ZDHHC13: variants seen among roughly 807,000 people sequenced by gnomAD.
The protein encoded by ZDHHC13 is zDHHC palmitoyltransferase 13.
Under a neutral mutation model 86.0 loss-of-function variants are expected in ZDHHC13, and 85 were observed. The ratio of observed to expected loss-of-function variants is 0.99; its 90% CI spans 0.83 to 1.18. ZDHHC13 has a LOEUF of 1.18. Among genes scored for constraint, ZDHHC13 ranks in the 50% most tolerant of loss-of-function variants. ZDHHC13 has a pLI of 0.00. For missense variants in ZDHHC13, 711 were observed against 730.2 expected, an observed-to-expected ratio of 0.97 and a Z score of 0.30; for synonymous variants, 263 against 246.4, an observed-to-expected ratio of 1.07 and a Z score of -0.63.
chr11:19,152,816 C>G (rs1849650198), intron 8 of ZDHHC13, 132 bp downstream of exon 8: 3 of 1,395,704 alleles, frequency 2.1e-6, no homozygotes, highest in Admixed American at 2.2e-5. Context: ...ATATCTTTCC[C>G]CCGCATCCTA....
At position 19,140,063 on chromosome 11, in the gene ZDHHC13, A is replaced by T. The variant is rs28873521; in HGVS notation, c.28-2915A>T. Among the ~76,000 whole-genome samples, 1,088 of 150,022 alleles carry T rather than the reference A, an allele frequency of 7.3e-3. 13 individuals are homozygous for T. The highest frequency in any genetic ancestry group is 0.025 in the African/African-American group (1,034 of 40,660). ...TGGCAACAAAAGCCAAAATTGACAA[A>T]TGGGATCTAATTAAACTAAAGAGCT... On this transcript the variant is annotated intron_variant, in intron 1 of 16. Transcript: ENST00000446113.
At chr11:19,134,024 C>G (rs1184274109) in intron 1 of ZDHHC13, among the ~76,000 whole-genome samples, 1 of 149,524 alleles carries the variant, frequency 6.7e-6, no homozygotes, top group African/African-American at 2.5e-5. Flanking sequence ...ATATGAGTCT[C>G]TTTTATATGG....
At position 19,165,282 on chromosome 11, in the gene ZDHHC13, G is replaced by A. The variant is rs186828639; in HGVS notation, c.1390+137G>A. On this transcript the variant is annotated intron_variant, in intron 13 of 16. Transcript: ENST00000446113. ...TCCAATAGCAATGGGCCCATGCATC[G>A]TTATTATGCTACAGGTAACATAATA... The A allele has an allele frequency of 6.3e-4, 454 of 719,570 alleles. 2 individuals are homozygous for A. The highest frequency in any genetic ancestry group is 9.1e-4 in the Non-Finnish European group (397 of 435,320). The allele number at this position is 719,570 out of a possible 1,614,324, so 44.6% of individuals were successfully genotyped here.
chr11:19,149,292 A>G lies in ZDHHC13; in HGVS notation c.480A>G (p.Gln160=). The G allele has an allele frequency of 6.2e-7, 1 of 1,605,362 alleles. No homozygotes were observed. The highest frequency in any genetic ancestry group is 8.5e-7 in the Non-Finnish European group (1 of 1,174,956). ...GCATCCACCTGGCAGTATTGTTTCA[A>G]CACATGCCTATTATAGCATATCTCA... ...FSSIHLAVLF[Q]HMPIIAYLIS... The change falls in exon 5 of 17, where the codon CAA becomes CAG. Residue 160 remains glutamine, a synonymous_variant. Transcript: ENST00000446113.
chr11:19,166,582 T>C, intron 14 of ZDHHC13, 197 bp downstream of exon 14: 2 of 396,372 alleles, frequency 5.0e-6, no homozygotes, highest in East Asian at 8.1e-5. Context: ...CTCAGTACTT[T>C]AGGAAAAAAA....
intron 7 of ZDHHC13, 49 bp from the exon 8 acceptor site, chr11:19,152,510 A>C: frequency 2.0e-6 from 3 of 1,514,922 alleles, no homozygotes; most frequent in East Asian, 2.4e-5. Flanking sequence ...TTTAGCACTC[A>C]TAATATATTA....
At chr11:19,164,763 G>A (rs578255726) in intron 12 of ZDHHC13, 3 of 430,120 alleles carry the variant, frequency 7.0e-6, no homozygotes, top group Non-Finnish European at 8.4e-6. Context: ...ATGGAACTTG[G>A]GTTTCCTTCC....
chr11:19,173,236 A>G (rs4757763), intron 16 of ZDHHC13, among the ~76,000 whole-genome samples: 31,565 of 152,130 alleles, frequency 0.21, 3,408 homozygotes, highest in Middle Eastern at 0.24. Flanking sequence ...CTGGCTTTCT[A>G]TCACCACTAA....
chr11:19,152,162 G>A lies in ZDHHC13; in HGVS notation c.589G>A (p.Glu197Lys), dbSNP rs771440649. The change falls in exon 7 of 17, where the codon GAA (glutamate) becomes AAA (lysine). Residue 197 changes from glutamate to lysine, a missense_variant. Transcript: ENST00000446113. ...MLSAHKVIGPEPTGFLLKFNP... is the reference protein window; with the variant it reads ...MLSAHKVIGPKPTGFLLKFNP... ...TATTTTATTATTTTGAGACAGGCCA[G>A]AACCAACTGGATTTCTTTTAAAGTT... The A allele has an allele frequency of 1.4e-5, 23 of 1,612,470 alleles. No individual in the cohort carries two copies. Among genetic ancestry groups the A allele is most frequent in the Non-Finnish European group, 2.0e-5 (23 of 1,179,132 alleles).
At chr11:19,168,819 T>C in intron 14 of ZDHHC13, 1 of 985,474 alleles carries the variant, frequency 1.0e-6, no homozygotes, top group Non-Finnish European at 1.2e-6. Context: ...TTTCATCTTT[T>C]GTAAGGTCTG....
intron 10 of ZDHHC13, among the ~76,000 whole-genome samples, chr11:19,162,766 A>G (rs1344065839): frequency 6.6e-6 from 1 of 152,168 alleles, no homozygotes; most frequent in Admixed American, 6.6e-5. Context: ...TGAGAACTGA[A>G]CGTATATATT....
intron 8 of ZDHHC13, among the ~76,000 whole-genome samples, chr11:19,155,445 G>A (rs543688891): frequency 6.6e-6 from 1 of 152,040 alleles, no homozygotes; most frequent in Non-Finnish European, 1.5e-5. Flanking sequence ...GCCAGGCATG[G>A]TGGTGGGTGC....
intron 6 of ZDHHC13, 27 bp from the exon 7 acceptor site, chr11:19,152,131 T>C (rs1849624188): frequency 6.2e-7 from 1 of 1,607,214 alleles, no homozygotes; most frequent in Non-Finnish European, 8.5e-7. Flanking sequence ...TGTTAATGCC[T>C]CTTGGTATTT....
chr11:19,159,750 T>C (rs1849858762), intron 10 of ZDHHC13, among the ~76,000 whole-genome samples: 1 of 151,912 alleles, frequency 6.6e-6, no homozygotes, highest in Non-Finnish European at 1.5e-5. Context: ...CAAGTCCAGC[T>C]TAGGGGTGTG....
intron 12 of ZDHHC13, 41 bp downstream of exon 12, chr11:19,164,404 A>T: frequency 6.3e-7 from 1 of 1,579,082 alleles, no homozygotes; most frequent in Middle Eastern, 1.7e-4. Flanking sequence ...GTGAAAGCAA[A>T]GTCTTGGTAA....
chr11:19,164,484 A>T, intron 12 of ZDHHC13, 121 bp downstream of exon 12: 1 of 919,456 alleles, frequency 1.1e-6, no homozygotes, highest in South Asian at 1.6e-5. Flanking sequence ...CCCATTTCTA[A>T]TTTTACATTC....
intron 14 of ZDHHC13, chr11:19,168,025 G>A (rs1402058510): frequency 6.6e-6 from 1 of 152,218 alleles, no homozygotes; most frequent in Non-Finnish European, 1.5e-5. Context: ...ATGTTGCCCA[G>A]GCTGGTTTCA....
intron 1 of ZDHHC13, among the ~76,000 whole-genome samples, chr11:19,139,536 ACTTT>A (rs1210534337): frequency 7.3e-6 from 1 of 136,218 alleles, no homozygotes; most frequent in Non-Finnish European, 1.6e-5. Flanking sequence ...GCTACCAATG[ACTTT>A]CTTCACAGAA....
intron 1 of ZDHHC13, among the ~76,000 whole-genome samples, chr11:19,133,268 G>A (rs1849041469): frequency 6.6e-6 from 1 of 151,998 alleles, no homozygotes; most frequent in Admixed American, 6.6e-5. Context: ...AAGTTTAACT[G>A]GTACAACCAT....
Sources: gnomAD v4.1 joint callset for allele counts (sites outside exome capture counted in the v4.1 genomes callset) on GRCh38, gnomAD v4.1.1 for gene constraint, MANE v1.5 for transcripts, NCBI Gene and HGNC (gene_info 2026-07-23, HGNC 2026-07-21) for gene names.